CNTNAP3B: variants seen among roughly 807,000 people sequenced by gnomAD.
CNTNAP3B encodes the protein contactin associated protein family member 3B, also known as contactin-associated protein-like 3B.
CNTNAP3B carries 25 observed loss-of-function variants against 108.9 expected under a neutral mutation model. The ratio of observed to expected loss-of-function variants is 0.23; its 90% CI spans 0.17 to 0.32. The LOEUF (loss-of-function observed/expected upper bound fraction) is 0.32, where lower values mean the gene tolerates loss of function less well. Ranked by LOEUF, CNTNAP3B falls within the 10% of genes least tolerant of loss-of-function variation. CNTNAP3B has a pLI of 1.00. For missense variants in CNTNAP3B, 252 were observed against 1,210.4 expected (o/e 0.21, Z 11.75); for synonymous variants, 103 against 473.4 (o/e 0.22, Z 10.16).
chr9:41,928,461 G>A (rs1908832), intron 15 of CNTNAP3B, among the ~76,000 whole-genome samples: 1,693 of 151,748 alleles, frequency 0.011, no homozygotes, highest in African/African-American at 0.039. Context: ...AGTACACATC[G>A]ATAGTGATGT....
intron 2 of CNTNAP3B, among the ~76,000 whole-genome samples, chr9:42,096,892 T>G (rs1201482168): frequency 7.9e-6 from 1 of 126,682 alleles, no homozygotes; most frequent in African/African-American, 3.3e-5. Context: ...ATTTTAGACA[T>G]TCCTAGTCCG....
Position 41,943,710 on chromosome 9 carries a change from G to A in CNTNAP3B, c.2081-5310C>T, listed in dbSNP as rs1445816258. Among the ~76,000 whole-genome samples, 7 of 150,434 alleles carry A rather than the reference G, an allele frequency of 4.7e-5. No homozygotes were observed. The East Asian group carries it at 1.4e-3, about 29-fold the overall frequency. On this transcript the variant is annotated intron_variant, in intron 13 of 23. Coordinates refer to ENST00000377561, the MANE Select transcript of CNTNAP3B (RefSeq NM_001201380.3). ...GTAACCCATAATCGGAATACCAGAA[G>A]TAGAAGGAAGAGAGTGAGAACCAGA...
intron 11 of CNTNAP3B, among the ~76,000 whole-genome samples, chr9:41,962,585 T>C (rs1825133735): frequency 7.0e-6 from 1 of 142,918 alleles, no homozygotes; most frequent in Non-Finnish European, 1.5e-5. Flanking sequence ...AAGTAAAAGA[T>C]GTGGTCCCTG....
intron 14 of CNTNAP3B, among the ~76,000 whole-genome samples, chr9:41,933,752 A>G (rs953489957): frequency 3.9e-5 from 6 of 152,284 alleles, no homozygotes; most frequent in Non-Finnish European, 7.3e-5. Flanking sequence ...TTCATCACTT[A>G]CATCTATTTT....
At chr9:41,958,238 G>T (rs1295592786) in intron 12 of CNTNAP3B, among the ~76,000 whole-genome samples, 1 of 152,298 alleles carries the variant, frequency 6.6e-6, no homozygotes, top group Non-Finnish European at 1.5e-5. Context: ...CTCCCAAGTA[G>T]CTGGGACTAC....
rs527689658 is a variant in CNTNAP3B at position 42,086,136 on chromosome 9, G to A, written c.197-9074C>T. On this transcript the variant is annotated intron_variant, in intron 2 of 23. Coordinates refer to ENST00000377561, the MANE Select transcript of CNTNAP3B (RefSeq NM_001201380.3). The stretch of plus-strand genomic sequence containing the variant: ...GCAGAAGGCGAAAAGCATATTTTAC[G>A]TGGCAGCAAACAAGAGAGAATGATT... Among the ~76,000 whole-genome samples the A allele has an allele frequency of 3.9e-3, 547 of 140,902 alleles. 21 individuals are homozygous for A. The highest frequency in any genetic ancestry group is 6.3e-3 in the Non-Finnish European group (413 of 65,190). 92.4% of individuals were successfully genotyped at this position (140,902 alleles called of 152,430 possible).
chr9:41,928,396 C>T (rs1038677472), intron 15 of CNTNAP3B, among the ~76,000 whole-genome samples: 1,608 of 151,558 alleles, frequency 0.011, no homozygotes, highest in Admixed American at 0.015. Flanking sequence ...GACAAGGGTC[C>T]GGGACTCCTT....
chr9:42,021,512 G>T (rs1227650423), intron 3 of CNTNAP3B, among the ~76,000 whole-genome samples: 1 of 116,984 alleles, frequency 8.5e-6, no homozygotes, highest in Non-Finnish European at 1.7e-5. Context: ...CTCTCACACA[G>T]ATCCATCAAT....
intron 1 of CNTNAP3B, among the ~76,000 whole-genome samples, chr9:42,119,800 C>T (rs1828417583): frequency 1.4e-5 from 2 of 140,600 alleles, no homozygotes; most frequent in South Asian, 2.3e-4. Flanking sequence ...GGATCCCTTC[C>T]TTACACCTTA....
In CNTNAP3B at chr9:42,088,712, T is replaced by C. The variant is rs1827755539; in HGVS notation, c.197-11650A>G. 1.5e-5 allele frequency among the ~76,000 whole-genome samples: 2 copies of C among 136,962 alleles called. 1 individual carries two copies. Among genetic ancestry groups the C allele is most frequent in the African/African-American group, 5.8e-5 (2 of 34,354 alleles). 89.9% of individuals were successfully genotyped at this position (136,962 alleles called of 152,430 possible). ...CATAAAAATAGAATGCCATTGGACT[T>C]ACTAATTCTAAGAACTATTAAAAGG... is the stretch of plus-strand genomic sequence containing the variant. On this transcript the variant is annotated intron_variant, in intron 2 of 23. Coordinates refer to ENST00000377561, the MANE Select transcript of CNTNAP3B (RefSeq NM_001201380.3).
chr9:42,123,724 G>A (rs1172475081), intron 1 of CNTNAP3B, among the ~76,000 whole-genome samples: 1 of 137,712 alleles, frequency 7.3e-6, no homozygotes, highest in Admixed American at 7.3e-5. Context: ...TTTTTTCCAC[G>A]GGATTTAGTT....
chr9:42,033,203 G>A (rs1826555904), intron 3 of CNTNAP3B, among the ~76,000 whole-genome samples: 1 of 141,546 alleles, frequency 7.1e-6, no homozygotes, highest in Admixed American at 7.0e-5. Flanking sequence ...ATTAATAATG[G>A]TCACTATTGT....
intron 3 of CNTNAP3B, among the ~76,000 whole-genome samples, chr9:42,056,586 G>T (rs985465481): frequency 2.2e-5 from 3 of 137,828 alleles, no homozygotes; most frequent in African/African-American, 8.6e-5. Flanking sequence ...TCCTGACCTC[G>T]TGATCTGCCC....
At chr9:42,021,412 T>C in intron 3 of CNTNAP3B, among the ~76,000 whole-genome samples, 1 of 109,612 alleles carries the variant, frequency 9.1e-6, no homozygotes. Context: ...TATTTCACCA[T>C]ATTTTTACAC....
chr9:41,999,461 C>G (rs1456127745), intron 4 of CNTNAP3B, among the ~76,000 whole-genome samples: 1 of 66,072 alleles, frequency 1.5e-5, no homozygotes, highest in Non-Finnish European at 2.8e-5. Context: ...GCTGCAATAT[C>G]ACCTCTTACC....
At position 42,029,625 on chromosome 9, in the gene CNTNAP3B, G is replaced by A. The variant is rs1432436027; in HGVS notation, c.391-16100C>T. Among the ~76,000 whole-genome samples, 454 of 122,056 alleles carry A rather than the reference G, an allele frequency of 3.7e-3. 23 individuals carry two copies. The highest frequency in any genetic ancestry group is 3.3e-3 in the Non-Finnish European group (197 of 59,412). The allele number at this position is 122,056 out of a possible 152,430, so 80.1% of individuals were successfully genotyped here. A position where few individuals can be genotyped will look rare whatever the true frequency, so the allele number is the denominator to read the frequency against. ...GGCTCACCACAACCTCTGCCTCCTGGGTTCAGGAGATTCTCCTGCCTCAGC... is the reference window on the plus strand; with the variant it reads ...GGCTCACCACAACCTCTGCCTCCTGAGTTCAGGAGATTCTCCTGCCTCAGC... On this transcript the variant is annotated intron_variant, in intron 3 of 23. Transcript: ENST00000377561.
intron 15 of CNTNAP3B, among the ~76,000 whole-genome samples, chr9:41,925,117 T>C (rs1484928044): frequency 1.3e-5 from 2 of 151,744 alleles, no homozygotes; most frequent in Non-Finnish European, 2.9e-5. Context: ...TCTTTTTTCA[T>C]GTATTTTTGA....
At chr9:42,116,831 C>A (rs2118731936) in intron 1 of CNTNAP3B, among the ~76,000 whole-genome samples, 1 of 137,180 alleles carries the variant, frequency 7.3e-6, no homozygotes, top group South Asian at 2.3e-4. Context: ...GGAGGAAGGT[C>A]TGCCAAGCAA....
intron 1 of CNTNAP3B, among the ~76,000 whole-genome samples, chr9:42,109,935 G>T (rs1299279367): frequency 5.8e-5 from 8 of 137,888 alleles, no homozygotes; most frequent in Non-Finnish European, 1.1e-4. Flanking sequence ...ATGGAGTGAG[G>T]CACCCACAAG....
Sources: gnomAD v4.1 joint callset for allele counts (sites outside exome capture counted in the v4.1 genomes callset) on GRCh38, gnomAD v4.1.1 for gene constraint, MANE v1.5 for transcripts, NCBI Gene and HGNC (gene_info 2026-07-23, HGNC 2026-07-21) for gene names.